Variants in NBDY observed in about 807,000 individuals in gnomAD.
NBDY encodes negative regulator of P-body association.
Position 56,818,749 on chromosome X carries a change from A to C in NBDY, c.*1596A>C, listed in dbSNP as rs955834360. 1 of 111,879 alleles carries C rather than the reference A, an allele frequency of 8.9e-6. No homozygotes were observed. Among genetic ancestry groups the C allele is most frequent in the Non-Finnish European group, 1.9e-5 (1 of 53,171 alleles). 9.2% of individuals were successfully genotyped at this position (111,879 alleles called of 1,213,427 possible). On this transcript the variant is annotated 3_prime_UTR_variant, in exon 3 of 3. Transcript: ENST00000374922. ...TAGCCAAAACAATCTTGAAGTATAC[A>C]AAGTTTGAAGAGTCACATTTCCAAA...
intron 2 of NBDY, among the ~76,000 whole-genome samples, chrX:56,801,387 C>A (rs369081865): frequency 5.2e-4 from 57 of 109,469 alleles, no homozygotes; most frequent in Admixed American, 2.2e-3. Flanking sequence ...TCTCTTCTTT[C>A]TTCTCTTTTT....
At chrX:56,811,224 A>G (rs2069884660) in intron 2 of NBDY, 1 of 111,981 alleles carries the variant, frequency 8.9e-6, no homozygotes, top group Admixed American at 9.4e-5. Flanking sequence ...GTCAGGATAC[A>G]TGAGTGTCAG....
chrX:56,795,048 G>C (rs1299827173), intron 2 of NBDY, among the ~76,000 whole-genome samples: 1 of 112,050 alleles, frequency 8.9e-6, no homozygotes, highest in Non-Finnish European at 1.9e-5. Context: ...GAGCCACTTG[G>C]CATGTCTGAT....
At chrX:56,800,475 G>A (rs931859964) in intron 2 of NBDY, among the ~76,000 whole-genome samples, 2 of 111,408 alleles carry the variant, frequency 1.8e-5, no homozygotes, top group African/African-American at 3.3e-5. Context: ...GTGGAGCAGC[G>A]CAGTCTCTTG....
At chrX:56,753,467 C>T (rs1234825682) in intron 2 of NBDY, among the ~76,000 whole-genome samples, 2 of 110,301 alleles carry the variant, frequency 1.8e-5, no homozygotes, top group African/African-American at 6.8e-5. Context: ...GCAAAGAATG[C>T]AGACTTGAAT....
At chrX:56,807,716 C>T (rs2069859978) in intron 2 of NBDY, among the ~76,000 whole-genome samples, 1 of 111,977 alleles carries the variant, frequency 8.9e-6, no homozygotes, top group Admixed American at 9.5e-5. Context: ...AGATTTTGGG[C>T]TGAGACGATG....
At chrX:56,793,882 C>G (rs1331144685) in intron 2 of NBDY, among the ~76,000 whole-genome samples, 1 of 111,918 alleles carries the variant, frequency 8.9e-6, no homozygotes, top group Non-Finnish European at 1.9e-5. Context: ...TCACCCCACA[C>G]TCAGCATCCT....
At chrX:56,783,381 G>T (rs1354545186) in intron 2 of NBDY, among the ~76,000 whole-genome samples, 2 of 113,093 alleles carry the variant, frequency 1.8e-5, no homozygotes, top group Non-Finnish European at 3.7e-5. Flanking sequence ...CCAGCCAAGG[G>T]CATCCCAGAA....
At chrX:56,733,463 A>C (rs2069470320) in intron 2 of NBDY, among the ~76,000 whole-genome samples, 1 of 111,303 alleles carries the variant, frequency 9.0e-6, no homozygotes, top group East Asian at 2.8e-4. Context: ...TCATTGCACA[A>C]CATATATTAG....
intron 2 of NBDY, among the ~76,000 whole-genome samples, chrX:56,807,580 G>A (rs1006246586): frequency 3.6e-5 from 4 of 111,335 alleles, no homozygotes; most frequent in Non-Finnish European, 7.5e-5. Flanking sequence ...TGTAGTAATT[G>A]TGAATGGGAG....
intron 2 of NBDY, among the ~76,000 whole-genome samples, chrX:56,806,302 T>A (rs1262423025): frequency 8.9e-6 from 1 of 111,880 alleles, no homozygotes; most frequent in African/African-American, 3.3e-5. Context: ...CTCTTTAGAG[T>A]AGAATGATTT....
At chrX:56,765,142 C>T (rs954249256) in intron 2 of NBDY, among the ~76,000 whole-genome samples, 1 of 112,003 alleles carries the variant, frequency 8.9e-6, no homozygotes, top group Non-Finnish European at 1.9e-5. Flanking sequence ...CGCGGGGACA[C>T]CGTTAGGGAA....
intron 2 of NBDY, among the ~76,000 whole-genome samples, chrX:56,787,232 A>G (rs1477676859): frequency 9.0e-6 from 1 of 110,840 alleles, no homozygotes; most frequent in East Asian, 2.8e-4. Context: ...CAGAAATGAA[A>G]TCACAAACAC....
At chrX:56,732,428 A>G (rs2069464399) in intron 2 of NBDY, among the ~76,000 whole-genome samples, 5 of 111,939 alleles carry the variant, frequency 4.5e-5, no homozygotes, top group Admixed American at 3.8e-4. Flanking sequence ...GAAATATATC[A>G]TCTTTTTAAC....
Position 56,788,611 on chromosome X carries a change from G to A in NBDY, c.*167-28709G>A, listed in dbSNP as rs995940841. On this transcript the variant is annotated intron_variant, in intron 2 of 2. Transcript: ENST00000374922. ...GTCGCCCCACACTCAGCACCCCGTA[G>A]CTCCTTTTTTTTTTTTTTTACCAGG... is the stretch of plus-strand genomic sequence containing the variant. 2.7e-5 allele frequency among the ~76,000 whole-genome samples: 3 copies of A among 110,753 alleles called. No homozygotes were observed. In the Admixed American group the frequency reaches 2.8e-4, roughly 10 times the overall value.
In NBDY at chrX:56,800,193, T is replaced by C. The variant is rs57122732; in HGVS notation, c.*167-17127T>C. Among the ~76,000 whole-genome samples, 5 of 111,416 alleles carry C rather than the reference T, an allele frequency of 4.5e-5. No individual in the cohort carries two copies. The East Asian group carries it at 1.4e-3, about 32-fold the overall frequency. On this transcript the variant is annotated intron_variant, in intron 2 of 2. Coordinates refer to ENST00000374922, the MANE Select transcript of NBDY (RefSeq NM_001348129.2). ...GAGTGTCAGAAATCCTCATTTGTAA[T>C]ATTTAACTCCCATCTCATCTAACTT... is the stretch of plus-strand genomic sequence containing the variant.
At chrX:56,739,262 ATG>A (rs1556001297) in intron 2 of NBDY, among the ~76,000 whole-genome samples, 3 of 76,307 alleles carry the variant, frequency 3.9e-5, no homozygotes, top group Non-Finnish European at 7.1e-5. Context: ...ATATATATAT[ATG>A]TATGTATATA....
At chrX:56,749,721 A>G (rs2069574674) in intron 2 of NBDY, among the ~76,000 whole-genome samples, 1 of 105,600 alleles carries the variant, frequency 9.5e-6, no homozygotes, top group Admixed American at 1.0e-4. Context: ...TCACAGTCCC[A>G]TCTCACTGCA....
chrX:56,815,281 A>G (rs1251755649), intron 2 of NBDY, among the ~76,000 whole-genome samples: 2 of 111,968 alleles, frequency 1.8e-5, no homozygotes, highest in South Asian at 3.6e-4. Flanking sequence ...TTCATACGCA[A>G]TGACCCTTTA....
Sources: gnomAD v4.1 joint callset for allele counts (sites outside exome capture counted in the v4.1 genomes callset) on GRCh38, gnomAD v4.1.1 for gene constraint, MANE v1.5 for transcripts, NCBI Gene and HGNC (gene_info 2026-07-23, HGNC 2026-07-21) for gene names.